Variants in SPAG16 observed in about 807,000 individuals in gnomAD.
The protein encoded by SPAG16 is sperm-associated antigen 16 protein.
Under a neutral mutation model 80.4 loss-of-function variants are expected in SPAG16, and 86 were observed. The ratio of observed to expected loss-of-function variants is 1.07; its 90% CI spans 0.90 to 1.28. The LOEUF (loss-of-function observed/expected upper bound fraction) is 1.28, where lower values mean the gene tolerates loss of function less well. SPAG16 is among the 50% of genes most tolerant of loss of function. SPAG16 has a pLI of 0.00. For missense variants in SPAG16, 870 were observed against 765.3 expected, an observed-to-expected ratio of 1.14 and a Z score of -1.61; for synonymous variants, 294 against 265.9, an observed-to-expected ratio of 1.11 and a Z score of -1.03.
At chr2:213,506,991 A>C (rs1195345025) in intron 10 of SPAG16, among the ~76,000 whole-genome samples, 1 of 152,156 alleles carries the variant, frequency 6.6e-6, no homozygotes, top group East Asian at 1.9e-4. Context: ...AAAGAAACAA[A>C]ATGTAAGTTC....
chr2:213,866,250 A>G (rs188029295), intron 11 of SPAG16, among the ~76,000 whole-genome samples: 2 of 152,214 alleles, frequency 1.3e-5, no homozygotes, highest in Admixed American at 1.3e-4. Flanking sequence ...TAAAGCATAA[A>G]CATAATTTTA....
intron 15 of SPAG16, among the ~76,000 whole-genome samples, chr2:214,289,362 A>C (rs1264733973): frequency 1.3e-5 from 2 of 152,188 alleles, no homozygotes; most frequent in Admixed American, 6.5e-5. Context: ...GTATTTTTAC[A>C]GTTCCAGGTC....
At chr2:213,535,576 A>G (rs933062552) in intron 10 of SPAG16, among the ~76,000 whole-genome samples, 6 of 152,116 alleles carry the variant, frequency 3.9e-5, no homozygotes, top group Admixed American at 3.3e-4. Flanking sequence ...CATACCTTAA[A>G]TGTATTTTGT....
intron 10 of SPAG16, among the ~76,000 whole-genome samples, chr2:213,744,252 T>C (rs1575011740): frequency 6.6e-6 from 1 of 152,292 alleles, no homozygotes; most frequent in Non-Finnish European, 1.5e-5. Context: ...TAGGTGCACA[T>C]ATTTCTGGGT....
At chr2:214,068,059 A>G (rs1005844370) in intron 13 of SPAG16, among the ~76,000 whole-genome samples, 12 of 152,172 alleles carry the variant, frequency 7.9e-5, no homozygotes, top group Non-Finnish European at 1.6e-4. Flanking sequence ...GTCCTGTTGT[A>G]TAAGGATGGA....
chr2:214,132,178 GAGA>G (rs1457225934), intron 14 of SPAG16, among the ~76,000 whole-genome samples: 1 of 152,142 alleles, frequency 6.6e-6, no homozygotes, highest in Non-Finnish European at 1.5e-5. Flanking sequence ...TTGCAAATAT[GAGA>G]AGTTTTGCTT....
At chr2:214,071,674 T>C (rs2050794065) in intron 13 of SPAG16, among the ~76,000 whole-genome samples, 1 of 152,160 alleles carries the variant, frequency 6.6e-6, no homozygotes, top group Non-Finnish European at 1.5e-5. Context: ...CAGCCTTTCC[T>C]ATCCTCCTTC....
intron 11 of SPAG16, among the ~76,000 whole-genome samples, chr2:213,911,113 T>C (rs1024039341): frequency 3.3e-5 from 5 of 152,184 alleles, no homozygotes; most frequent in Non-Finnish European, 1.5e-5. Flanking sequence ...ATATATTTGA[T>C]TTTCAAAACT....
chr2:214,310,267 G>A (rs536436811), intron 15 of SPAG16, among the ~76,000 whole-genome samples: 92 of 151,242 alleles, frequency 6.1e-4, no homozygotes, highest in South Asian at 1.5e-3. Context: ...TGATCATTTG[G>A]CTTCTGGGTG....
intron 10 of SPAG16, among the ~76,000 whole-genome samples, chr2:213,600,649 T>G (rs181180642): frequency 6.6e-6 from 1 of 152,336 alleles, no homozygotes. Context: ...ATAGGAATGA[T>G]GATGTATTAG....
Position 213,447,414 on chromosome 2 carries a change from C to G in SPAG16, c.943-42549C>G, listed in dbSNP as rs148838478. Among the ~76,000 whole-genome samples the G allele has an allele frequency of 4.4e-3, 668 of 152,320 alleles. 6 individuals carry two copies. The highest frequency in any genetic ancestry group is 0.015 in the African/African-American group (632 of 41,568). On this transcript the variant is annotated intron_variant, in intron 9 of 15. Transcript: ENST00000331683. ...GGGGAAACTTTTCTGTCTGTTATCC[C>G]CAGTACTGCCCCTCACATCCATGAT...
At chr2:213,534,404 G>A (rs1326978671) in intron 10 of SPAG16, among the ~76,000 whole-genome samples, 1 of 151,962 alleles carries the variant, frequency 6.6e-6, no homozygotes, top group Non-Finnish European at 1.5e-5. Context: ...CCCAATAATT[G>A]AAAACATATG....
At chr2:213,494,915 T>G (rs1341154408) in intron 10 of SPAG16, among the ~76,000 whole-genome samples, 3 of 152,202 alleles carry the variant, frequency 2.0e-5, no homozygotes, top group Non-Finnish European at 4.4e-5. Flanking sequence ...AGACTCCCAG[T>G]ATTACTTCTC....
intron 15 of SPAG16, among the ~76,000 whole-genome samples, chr2:214,198,007 C>A (rs2057895792): frequency 6.6e-6 from 1 of 152,018 alleles, no homozygotes; most frequent in Admixed American, 6.6e-5. Flanking sequence ...AATGACTCCA[C>A]AAATAAATCG....
intron 10 of SPAG16, among the ~76,000 whole-genome samples, chr2:213,768,090 A>C (rs2069037342): frequency 6.6e-6 from 1 of 152,190 alleles, no homozygotes; most frequent in Non-Finnish European, 1.5e-5. Flanking sequence ...AAAAGGAGGC[A>C]ATAAGAAGGA....
At chr2:214,022,862 A>G (rs982687384) in intron 13 of SPAG16, among the ~76,000 whole-genome samples, 1 of 152,054 alleles carries the variant, frequency 6.6e-6, no homozygotes, top group Non-Finnish European at 1.5e-5. Context: ...TTGTTACTAA[A>G]TATTTAAGAA....
At chr2:213,520,478 C>T (rs1336374839) in intron 10 of SPAG16, among the ~76,000 whole-genome samples, 1 of 152,022 alleles carries the variant, frequency 6.6e-6, no homozygotes, top group Non-Finnish European at 1.5e-5. Flanking sequence ...CCTGTAGTCC[C>T]AGCTACTCTG....
chr2:214,050,583 C>T (rs1575980707), intron 13 of SPAG16, among the ~76,000 whole-genome samples: 1 of 151,974 alleles, frequency 6.6e-6, no homozygotes, highest in African/African-American at 2.4e-5. Flanking sequence ...TTTTAAGTCT[C>T]ATAGAAAATT....
chr2:214,131,028 A>C (rs772736539), intron 14 of SPAG16, among the ~76,000 whole-genome samples: 9 of 152,178 alleles, frequency 5.9e-5, no homozygotes, highest in Non-Finnish European at 1.3e-4. Flanking sequence ...GTCTATATTC[A>C]ATTCCTTCAG....
Sources: gnomAD v4.1 joint callset for allele counts (sites outside exome capture counted in the v4.1 genomes callset) on GRCh38, gnomAD v4.1.1 for gene constraint, MANE v1.5 for transcripts, NCBI Gene and HGNC (gene_info 2026-07-23, HGNC 2026-07-21) for gene names.